Variants in CDH23 observed in about 807,000 individuals in gnomAD.
CDH23 encodes the protein cadherin-23.
In CDH23, 189 loss-of-function variants were observed where a neutral mutation model predicts 317.1. The observed-to-expected ratio is 0.60, with a 90% CI of 0.53 to 0.67. CDH23 has a LOEUF of 0.67. Among genes scored for constraint, CDH23 ranks in the 30% least tolerant of loss-of-function variants. CDH23 has a pLI of 0.00. For missense variants in CDH23, 4,401 were observed against 4,592.4 expected, an observed-to-expected ratio of 0.96 and a Z score of 1.20; for synonymous variants, 1,839 against 1,876.8, an observed-to-expected ratio of 0.98 and a Z score of 0.52.
rs1325064982 is a variant in CDH23, at chr10:71,740,027, C to T, written c.4488+255C>T. Among the ~76,000 whole-genome samples, 3 of 152,176 alleles carry T rather than the reference C, an allele frequency of 2.0e-5. No homozygotes were observed. In the East Asian group the frequency reaches 5.8e-4, roughly 29 times the overall value. Reference sequence around the variant, plus strand: ...GAGGTGTCTTCCCCTGCTGTAAGAGCCAGGAGGATGAGGGAGAGCCTGGTG... The same window carrying T: ...GAGGTGTCTTCCCCTGCTGTAAGAGTCAGGAGGATGAGGGAGAGCCTGGTG... On this transcript the variant is annotated intron_variant, in intron 36 of 69. Transcript: ENST00000224721.
chr10:71,518,789 T>C (rs892402300), intron 6 of CDH23, among the ~76,000 whole-genome samples: 3 of 152,050 alleles, frequency 2.0e-5, no homozygotes, highest in African/African-American at 7.3e-5. Context: ...AAGGAGGGAG[T>C]CAACAGGGTC....
chr10:71,692,453 T>G (rs1430019372), intron 20 of CDH23, among the ~76,000 whole-genome samples: 1 of 152,234 alleles, frequency 6.6e-6, no homozygotes, highest in Non-Finnish European at 1.5e-5. Context: ...TAATTGGATC[T>G]AATTTCCTAG....
intron 8 of CDH23, among the ~76,000 whole-genome samples, chr10:71,571,855 T>C (rs10999886): frequency 0.044 from 6,680 of 152,294 alleles, 268 homozygotes; most frequent in East Asian, 0.16. Context: ...CTCGTGAGCG[T>C]TCAGGGCCCC....
In CDH23 at chr10:71,805,809, A is replaced by G; in HGVS notation, c.7876A>G (p.Ile2626Val). 1.2e-6 allele frequency: 2 copies of G among 1,612,312 alleles called. No individual in the cohort carries two copies. The highest frequency in any genetic ancestry group is 1.7e-6 in the Non-Finnish European group (2 of 1,179,176). ...TTCCTCCCCATGCTCCCCACAGGAGATCCCGCTGCGCTCCAACGTGTACGA... is the reference window on the plus strand; with the variant it reads ...TTCCTCCCCATGCTCCCCACAGGAGGTCCCGCTGCGCTCCAACGTGTACGA... Reference protein sequence around the residue: ...NGTILHIREEIPLRSNVYEVY... With the variant: ...NGTILHIREEVPLRSNVYEVY... The change falls in exon 56 of 70, where the codon ATC becomes GTC. Residue 2626 changes from isoleucine (I) to valine (V), a missense_variant. By Grantham distance (29) the Ile-to-Val change is conservative (BLOSUM62 3). Coordinates refer to ENST00000224721, the MANE Select transcript of CDH23 (RefSeq NM_022124.6).
Position 71,738,516 on chromosome 10 carries a change from G to A in CDH23, c.4228G>A (p.Asp1410Asn). The A allele has an allele frequency of 6.2e-7, 1 of 1,613,986 alleles. No individual in the cohort carries two copies. The highest frequency in any genetic ancestry group is 1.3e-5 in the African/African-American group (1 of 75,064). Residue 1410 changes from aspartate to asparagine, a missense_variant, in exon 35 of 70, where the codon GAC becomes AAC. Physicochemically the swap from Asp to Asn is conservative, Grantham distance 23. Around this residue, in one of 3 missense-constraint regions of CDH23, gnomAD observed 3,068 missense variants for 3,203.3 expected, o/e 0.96. Transcript: ENST00000224721. ...CCCTCAGGTCTACATCACTGTGCTG[G>A]ACGAGAATGACAACAGCCCCCGGTT... ...STVKVYITVLDENDNSPRFDF... is the reference protein window; with the variant it reads ...STVKVYITVLNENDNSPRFDF...
chr10:71,682,606 A>G lies in CDH23; in HGVS notation c.1986+34A>G, dbSNP rs762320438. The G allele has an allele frequency of 6.2e-6, 10 of 1,608,144 alleles. No homozygotes were observed. In the South Asian group the frequency reaches 8.9e-5, roughly 14 times the overall value. The stretch of plus-strand genomic sequence containing the variant: ...CCAGGGCCACTGGCCTTGCCCTGCT[A>G]GTGTAAGGGATGGTGAGTGCTTCCT... On this transcript the variant is annotated intron_variant, in intron 18 of 69. Coordinates refer to ENST00000224721, the MANE Select transcript of CDH23 (RefSeq NM_022124.6).
chr10:71,642,997 C>A (rs1196863606), intron 11 of CDH23, among the ~76,000 whole-genome samples: 1 of 152,184 alleles, frequency 6.6e-6, no homozygotes, highest in Non-Finnish European at 1.5e-5. Context: ...TGCTCTGCAG[C>A]CATTAAGGAA....
chr10:71,677,058 G>T (rs371725537), intron 15 of CDH23, among the ~76,000 whole-genome samples: 10 of 152,156 alleles, frequency 6.6e-5, no homozygotes, highest in East Asian at 5.8e-4. Context: ...CAACCACCCT[G>T]CCCTTCACCA....
chr10:71,596,602 C>T (rs1281917163), intron 9 of CDH23, among the ~76,000 whole-genome samples: 2 of 152,200 alleles, frequency 1.3e-5, no homozygotes, highest in African/African-American at 4.8e-5. Context: ...CAGACCCTTC[C>T]CTTCCACGCC....
intron 6 of CDH23, among the ~76,000 whole-genome samples, chr10:71,555,900 T>C (rs1856849004): frequency 6.6e-6 from 1 of 152,140 alleles, no homozygotes; most frequent in Admixed American, 6.5e-5. Flanking sequence ...AGAGGGTGTC[T>C]TGCCCCAGAC....
At chr10:71,632,432 T>C (rs1051988119) in intron 11 of CDH23, among the ~76,000 whole-genome samples, 1 of 152,170 alleles carries the variant, frequency 6.6e-6, no homozygotes, top group Non-Finnish European at 1.5e-5. Flanking sequence ...TGCTTTAGGT[T>C]GATTAATCTA....
chr10:71,561,091 A>G (rs569729129), intron 6 of CDH23, among the ~76,000 whole-genome samples: 1 of 151,142 alleles, frequency 6.6e-6, no homozygotes, highest in South Asian at 2.1e-4. Flanking sequence ...TAATTTTTGT[A>G]TGTCTTTTCC....
chr10:71,780,337 G>A (rs1426901638), intron 41 of CDH23, among the ~76,000 whole-genome samples: 2 of 152,182 alleles, frequency 1.3e-5, no homozygotes. Context: ...ATACTGGGAG[G>A]TGCTAAGGGC....
rs113454588 is a variant in CDH23 at position 71,759,906 on chromosome 10, C to T, written c.4846-17774C>T. 5.0e-3 allele frequency among the ~76,000 whole-genome samples: 196 copies of T among 38,854 alleles called. 12 individuals are homozygous for T. The highest frequency in any genetic ancestry group is 9.1e-3 in the South Asian group (9 of 984). 25.5% of individuals were successfully genotyped at this position (38,854 alleles called of 152,430 possible). A position where few individuals can be genotyped will look rare whatever the true frequency, so the allele number is the denominator to read the frequency against. ...ACACATATACACACACACATATATA[C>T]ACACACACATATATACACACACACA... On this transcript the variant is annotated intron_variant, in intron 38 of 69. Transcript: ENST00000224721.
At chr10:71,446,452 C>T in intron 3 of CDH23, 57 bp downstream of exon 3, 1 of 1,517,682 alleles carries the variant, frequency 6.6e-7, no homozygotes, top group Non-Finnish European at 9.2e-7. Context: ...AATCCCTTCC[C>T]ACAAGTGAAG....
intron 27 of CDH23, among the ~76,000 whole-genome samples, chr10:71,711,116 G>A (rs1865953407): frequency 6.6e-6 from 1 of 151,934 alleles, no homozygotes; most frequent in Non-Finnish European, 1.5e-5. Context: ...CCTCTGCCCT[G>A]CTCTCCTCCC....
At chr10:71,712,492 A>G (rs1866013178) in intron 27 of CDH23, 173 bp from the exon 28 acceptor site, 1 of 632,004 alleles carries the variant, frequency 1.6e-6, no homozygotes, top group Non-Finnish European at 2.8e-6. Flanking sequence ...TAAGTATTTG[A>G]TACTGTTAGT....
chr10:71,547,902 T>C lies in CDH23; in HGVS notation c.430-18840T>C, dbSNP rs563505418. Among the ~76,000 whole-genome samples, 437 of 152,320 alleles carry C rather than the reference T, an allele frequency of 2.9e-3. 3 individuals carry two copies. The highest frequency in any genetic ancestry group is 0.01 in the African/African-American group (422 of 41,586). On this transcript the variant is annotated intron_variant, in intron 6 of 69. Coordinates refer to ENST00000224721, the MANE Select transcript of CDH23 (RefSeq NM_022124.6). ...ATGGAGATGGGAGTGTCTCAACTGC[T>C]GTGGCCAGGGCTAAGCAGCCACTTG...
chr10:71,729,167 A>G (rs1866948295), intron 30 of CDH23, among the ~76,000 whole-genome samples: 1 of 152,186 alleles, frequency 6.6e-6, no homozygotes, highest in African/African-American at 2.4e-5. Flanking sequence ...TATTACGTTC[A>G]TGATGTACAG....
Sources: allele counts gnomAD v4.1 joint callset (sites outside exome capture counted in the v4.1 genomes callset), GRCh38; gene constraint gnomAD v4.1.1; regional missense constraint gnomAD v4.1.1; transcripts MANE v1.5; gene names NCBI Gene and HGNC (gene_info 2026-07-23, HGNC 2026-07-21).